The following ERP44 variants were observed in gnomAD, a reference collection of about 807,000 sequenced individuals.
ERP44 encodes endoplasmic reticulum protein 44.
ERP44 carries 25 observed loss-of-function variants against 53.4 expected under a neutral mutation model. The ratio of observed to expected loss-of-function variants is 0.47; its 90% confidence interval spans 0.34 to 0.65. ERP44 has a LOEUF of 0.65. Among genes scored for constraint, ERP44 ranks in the 30% least tolerant of loss-of-function variants. The pLI is 0.01. For missense variants in ERP44, 338 were observed against 493.2 expected, an observed-to-expected ratio of 0.69 and a Z score of 2.98; for synonymous variants, 145 against 161.2, an observed-to-expected ratio of 0.90 and a Z score of 0.76.
chr9:99,991,763 T>G (rs1037862258), intron 10 of ERP44, among the ~76,000 whole-genome samples: 1 of 151,972 alleles, frequency 6.6e-6, no homozygotes, highest in East Asian at 1.9e-4. Context: ...ATTGATAGAC[T>G]GCTAGCAAGA....
chr9:100,049,035 A>G (rs1339335496), intron 4 of ERP44, among the ~76,000 whole-genome samples: 2 of 152,222 alleles, frequency 1.3e-5, no homozygotes, highest in African/African-American at 2.4e-5. Context: ...TTTTAAAAAA[A>G]TACAAGGGTA....
intron 10 of ERP44, among the ~76,000 whole-genome samples, chr9:100,000,448 A>C (rs567188207): frequency 1.4e-4 from 22 of 151,976 alleles, no homozygotes; most frequent in African/African-American, 4.8e-4. Flanking sequence ...AAAAAAAAAA[A>C]AAAAAACTTT....
chr9:100,074,030 C>T (rs554927602), intron 1 of ERP44, among the ~76,000 whole-genome samples: 2 of 152,306 alleles, frequency 1.3e-5, no homozygotes, highest in African/African-American at 4.8e-5. Flanking sequence ...TACACTTATT[C>T]AAACAATACT....
In ERP44 at chr9:99,982,597, CTG is replaced by C; in HGVS notation, c.*13_*14del. The C allele has an allele frequency of 7.0e-7, 1 of 1,418,664 alleles. No individual in the cohort carries two copies. The allele number at this position is 1,418,664 out of a possible 1,614,324, so 87.9% of individuals were successfully genotyped here. On this transcript the variant is annotated 3_prime_UTR_variant, in exon 12 of 12. Coordinates refer to ENST00000262455, the MANE Select transcript of ERP44 (RefSeq NM_015051.3). ...ATGCTGCTGTTGAAAGGCTTACAAACTGTTTTTCAAGTTTTTAAAGCTCATCT... is the reference window on the plus strand; with the variant it reads ...ATGCTGCTGTTGAAAGGCTTACAAACTTTTTCAAGTTTTTAAAGCTCATCT...
At chr9:99,998,428 T>C (rs915954709) in intron 10 of ERP44, 2 of 653,162 alleles carry the variant, frequency 3.1e-6, no homozygotes, top group African/African-American at 3.6e-5. Flanking sequence ...CGTTTGCCAG[T>C]CACTCCTTTC....
intron 9 of ERP44, 91 bp from the exon 10 acceptor site, chr9:100,006,738 A>G (rs1442468539): frequency 1.2e-6 from 1 of 838,418 alleles, no homozygotes; most frequent in Non-Finnish European, 1.8e-6. Context: ...GACATACTAA[A>G]AAAAAAGCAC....
chr9:100,020,925 C>T (rs933992355), intron 5 of ERP44, among the ~76,000 whole-genome samples, 194 bp from the exon 6 acceptor site: 1 of 152,218 alleles, frequency 6.6e-6, no homozygotes, highest in African/African-American at 2.4e-5. Context: ...ACAATCTTAA[C>T]TATAATAAAT....
chr9:100,057,751 T>C, intron 3 of ERP44, 69 bp downstream of exon 3: 1 of 1,211,006 alleles, frequency 8.3e-7, no homozygotes, highest in Non-Finnish European at 1.2e-6. Flanking sequence ...CCCTTCCCCT[T>C]TCTAGCAAAG....
intron 5 of ERP44, 39 bp from the exon 6 acceptor site, chr9:100,020,770 T>C: frequency 1.9e-6 from 2 of 1,032,294 alleles, no homozygotes; most frequent in African/African-American, 1.6e-5. Flanking sequence ...CAAACATACA[T>C]AGTTTTATAA....
At chr9:100,097,076 T>C (rs1002875823) in intron 1 of ERP44, among the ~76,000 whole-genome samples, 3 of 152,192 alleles carry the variant, frequency 2.0e-5, no homozygotes, top group Non-Finnish European at 4.4e-5. Flanking sequence ...AGGTATTCTC[T>C]AACATATTTT....
chr9:99,982,553 A>G lies in ERP44; in HGVS notation c.*59T>C. 2 of 762,596 alleles carry G rather than the reference A, an allele frequency of 2.6e-6. No individual in the cohort carries two copies. The highest frequency in any genetic ancestry group is 3.1e-5 in the South Asian group (1 of 31,920). 47.2% of individuals were successfully genotyped at this position (762,596 alleles called of 1,614,324 possible). On this transcript the variant is annotated 3_prime_UTR_variant, in exon 12 of 12. Coordinates refer to ENST00000262455, the MANE Select transcript of ERP44 (RefSeq NM_015051.3). Reference sequence around the variant, plus strand: ...AGAATTATGAAAATATAGGTTTACTATTTCCACCACGTAGGTTGATGCTGC... The same window carrying G: ...AGAATTATGAAAATATAGGTTTACTGTTTCCACCACGTAGGTTGATGCTGC...
At chr9:100,079,559 G>A (rs1418746975) in intron 1 of ERP44, among the ~76,000 whole-genome samples, 2 of 151,842 alleles carry the variant, frequency 1.3e-5, no homozygotes, top group East Asian at 1.9e-4. Context: ...TCTTTCAGTA[G>A]TCTAAGAAAT....
At chr9:100,058,317 C>A (rs1173614458) in intron 2 of ERP44, among the ~76,000 whole-genome samples, 1 of 152,090 alleles carries the variant, frequency 6.6e-6, no homozygotes, top group African/African-American at 2.4e-5. Flanking sequence ...CCTCAAGCAA[C>A]CTCCCACCTT....
At chr9:99,998,872 C>T in intron 10 of ERP44, 1 of 1,544,528 alleles carries the variant, frequency 6.5e-7, no homozygotes. Context: ...TAGCAATGAG[C>T]TCTCTTGTCT....
intron 4 of ERP44, among the ~76,000 whole-genome samples, chr9:100,045,661 T>C (rs1470886886): frequency 6.6e-6 from 1 of 152,130 alleles, no homozygotes; most frequent in African/African-American, 2.4e-5. Context: ...AAGGTCTCAG[T>C]GAAGCAGTGA....
chr9:100,016,919 A>G (rs557428585), intron 7 of ERP44, among the ~76,000 whole-genome samples: 55 of 152,334 alleles, frequency 3.6e-4, no homozygotes, highest in African/African-American at 1.2e-3. Context: ...ACTCTTTATC[A>G]GTATCTTCAC....
At chr9:100,066,567 T>G (rs1375592045) in intron 1 of ERP44, among the ~76,000 whole-genome samples, 1 of 152,224 alleles carries the variant, frequency 6.6e-6, no homozygotes, top group Non-Finnish European at 1.5e-5. Context: ...CTTTACAAAC[T>G]ATGTCTCTCC....
chr9:99,995,343 T>A (rs893882979), intron 10 of ERP44, among the ~76,000 whole-genome samples: 8 of 152,230 alleles, frequency 5.3e-5, no homozygotes, highest in African/African-American at 1.7e-4. Context: ...TTTATTTTCT[T>A]GTTCTGCTAG....
At chr9:100,036,971 A>C (rs1277506838) in intron 4 of ERP44, among the ~76,000 whole-genome samples, 1 of 152,184 alleles carries the variant, frequency 6.6e-6, no homozygotes, top group African/African-American at 2.4e-5. Flanking sequence ...CCCTCCTGCA[A>C]AGACACCAAT....
Sources: gnomAD v4.1 joint callset for allele counts (sites outside exome capture counted in the v4.1 genomes callset) on GRCh38, gnomAD v4.1.1 for gene constraint, MANE v1.5 for transcripts, NCBI Gene and HGNC (gene_info 2026-07-23, HGNC 2026-07-21) for gene names.